The following ABCA6 variants were observed in gnomAD, a reference collection of about 807,000 sequenced individuals.
The protein encoded by ABCA6 is ATP-binding cassette sub-family A member 6.
Under a neutral mutation model 191.2 loss-of-function variants are expected in ABCA6, and 164 were observed. The observed-to-expected ratio is 0.86, with a 90% CI of 0.76 to 0.98. The LOEUF is 0.98. Ranked by LOEUF, ABCA6 falls within the 50% of genes least tolerant of loss-of-function variation. ABCA6 has a pLI of 0.00. For missense variants in ABCA6, 1,958 were observed against 1,894.1 expected (o/e 1.03, Z -0.63); for synonymous variants, 636 against 647.7 (o/e 0.98, Z 0.27).
At chr17:69,128,283 T>G (rs1272356976) in intron 8 of ABCA6, among the ~76,000 whole-genome samples, 1 of 152,064 alleles carries the variant, frequency 6.6e-6, no homozygotes, top group African/African-American at 2.4e-5. Context: ...TAAAAGTGGG[T>G]TCATATATAA....
At chr17:69,131,130 C>T (rs779966934) in intron 6 of ABCA6, among the ~76,000 whole-genome samples, 2 of 152,044 alleles carry the variant, frequency 1.3e-5, no homozygotes, top group African/African-American at 2.4e-5. Flanking sequence ...CAGAATAAAT[C>T]GGTAACAAAG....
Position 69,134,742 on chromosome 17 carries a change from GC to G in ABCA6, c.461-1del. 3 of 1,606,820 alleles carry G rather than the reference GC, an allele frequency of 1.9e-6. No individual in the cohort carries two copies. The highest frequency in any genetic ancestry group is 2.6e-6 in the Non-Finnish European group (3 of 1,174,178). On this transcript the variant is annotated splice_acceptor_variant, in intron 4 of 38. Transcript: ENST00000284425. LOFTEE classifies it high-confidence loss of function. ...CTCACCATATCCATCCCAGCAATGA[GC>G]TGTAAGCACAAAGAAAAGCACAGCC...
Position 69,096,269 on chromosome 17 carries a change from TG to T in ABCA6, c.3378del (p.Asn1126LysfsTer21). The T allele has an allele frequency of 6.6e-7, 1 of 1,520,300 alleles. No homozygotes were observed. Among genetic ancestry groups the T allele is most frequent in the East Asian group, 2.3e-5 (1 of 43,376 alleles). The allele number at this position is 1,520,300 out of a possible 1,614,324, so 94.2% of individuals were successfully genotyped here. A position where few individuals can be genotyped will look rare whatever the true frequency, so the allele number is the denominator to read the frequency against. ...AAGAAGTAAAATGACCAAAGGCCAC[TG>T]TTTTTTCTCCTTTTGCGAAAAATAA... ...ISFIFRKRRKNSGLWSFYFFF... is the reference protein window; with the variant it reads ...ISFIFRKRRKXSGLWSFYFFF... On this transcript the variant is annotated frameshift_variant, in exon 25 of 39. Coordinates refer to ENST00000284425, the MANE Select transcript of ABCA6 (RefSeq NM_080284.3). LOFTEE classifies it high-confidence loss of function.
chr17:69,096,223 A>G lies in ABCA6; in HGVS notation c.3408+17T>C. The G allele has an allele frequency of 8.1e-7, 1 of 1,228,608 alleles. No individual in the cohort carries two copies. The highest frequency in any genetic ancestry group is 1.1e-6 in the Non-Finnish European group (1 of 895,076). 76.1% of individuals were successfully genotyped at this position (1,228,608 alleles called of 1,614,324 possible). On this transcript the variant is annotated intron_variant, in intron 25 of 38. Coordinates refer to ENST00000284425, the MANE Select transcript of ABCA6 (RefSeq NM_080284.3). Reference sequence around the variant, plus strand: ...AAAATAACACTATTTCTCTATTTGTATGTATTATATACTTACAAAAAAGAA... The same window carrying G: ...AAAATAACACTATTTCTCTATTTGTGTGTATTATATACTTACAAAAAAGAA...
intron 16 of ABCA6, 126 bp from the exon 17 acceptor site, chr17:69,111,066 T>A: frequency 1.2e-6 from 1 of 827,202 alleles, no homozygotes; most frequent in Non-Finnish European, 1.8e-6. Context: ...AAAAGATGAG[T>A]AAATACTAAC....
chr17:69,090,131 A>G (rs866045182), intron 26 of ABCA6, among the ~76,000 whole-genome samples: 1 of 152,244 alleles, frequency 6.6e-6, no homozygotes, highest in African/African-American at 2.4e-5. Flanking sequence ...CTTTAAGCAA[A>G]GGGATTAGTT....
intron 10 of ABCA6, among the ~76,000 whole-genome samples, chr17:69,119,641 T>C (rs1433496063): frequency 6.6e-6 from 1 of 152,074 alleles, no homozygotes; most frequent in African/African-American, 2.4e-5. Context: ...CTCGGCCTCA[T>C]GTTTTATGTG....
In ABCA6 at chr17:69,134,705, T is replaced by G; in HGVS notation, c.498A>C (p.Thr166=). The G allele has an allele frequency of 3.1e-6, 5 of 1,613,730 alleles. No individual in the cohort carries two copies. Among genetic ancestry groups the G allele is most frequent in the Non-Finnish European group, 3.4e-6 (4 of 1,179,884 alleles). ...CWDGYGEFSC[T]LTKYWNRGFV... ...ATCCTCTATTCCAGTATTTGGTCAA[T>G]GTACATGAAAACTCACCATATCCAT... The change falls in exon 5 of 39, where the codon ACA becomes ACC. Residue 166 remains threonine (T), a synonymous_variant. Coordinates refer to ENST00000284425, the MANE Select transcript of ABCA6 (RefSeq NM_080284.3).
chr17:69,096,403 G>T, intron 24 of ABCA6, 50 bp from the exon 25 acceptor site: 1 of 1,082,844 alleles, frequency 9.2e-7, no homozygotes, highest in South Asian at 2.3e-5. Flanking sequence ...ATATTACTGA[G>T]GGAAAAATTA....
intron 16 of ABCA6, 181 bp from the exon 17 acceptor site, chr17:69,111,121 G>A: frequency 2.0e-6 from 1 of 501,492 alleles, no homozygotes; most frequent in Middle Eastern, 4.3e-4. Flanking sequence ...TCTATATATG[G>A]AAAATGTATA....
intron 9 of ABCA6, among the ~76,000 whole-genome samples, chr17:69,123,778 G>A (rs1568028856): frequency 6.6e-6 from 1 of 152,032 alleles, no homozygotes; most frequent in East Asian, 1.9e-4. Flanking sequence ...AGCCTCTGTT[G>A]TCTACATCTG....
chr17:69,137,252 T>C (rs372992166), intron 3 of ABCA6, 44 bp downstream of exon 3: 5 of 1,558,962 alleles, frequency 3.2e-6, no homozygotes, highest in Non-Finnish European at 4.4e-6. Context: ...CAACAGTATA[T>C]AGACATCTAT....
chr17:69,098,304 A>C (rs2073095530), intron 22 of ABCA6: 2 of 324,936 alleles, frequency 6.2e-6, no homozygotes, highest in South Asian at 1.9e-4. Context: ...ATTCATACCA[A>C]CAATACTCAC....
intron 10 of ABCA6, among the ~76,000 whole-genome samples, chr17:69,120,899 A>C (rs1398138692): frequency 6.6e-6 from 1 of 152,030 alleles, no homozygotes; most frequent in Non-Finnish European, 1.5e-5. Flanking sequence ...TGAATAAAAA[A>C]TGTATATTTT....
At chr17:69,093,444 T>C (rs1281234821) in intron 25 of ABCA6, among the ~76,000 whole-genome samples, 1 of 152,176 alleles carries the variant, frequency 6.6e-6, no homozygotes, top group Non-Finnish European at 1.5e-5. Context: ...AGCTGCAAGG[T>C]CACAAGATAA....
At chr17:69,105,768 C>G (rs1017823023) in intron 19 of ABCA6, 140 bp from the exon 20 acceptor site, 2 of 777,764 alleles carry the variant, frequency 2.6e-6, no homozygotes, top group Non-Finnish European at 4.1e-6. Flanking sequence ...AAGATAATAC[C>G]CTAGCATGCT....
intron 17 of ABCA6, chr17:69,108,089 GA>G (rs1249524554): frequency 2.8e-6 from 1 of 354,534 alleles, no homozygotes. Context: ...TGAACAATCA[GA>G]AAGACCATTA....
intron 16 of ABCA6, 59 bp downstream of exon 16, chr17:69,112,124 C>T: frequency 7.9e-7 from 1 of 1,260,124 alleles, no homozygotes; most frequent in Non-Finnish European, 1.2e-6. Flanking sequence ...TAATTGTCCA[C>T]CTTTTTCATA....
chr17:69,129,545 TTA>T (rs1283531712), intron 7 of ABCA6, 63 bp downstream of exon 7: 3 of 1,387,452 alleles, frequency 2.2e-6, no homozygotes, highest in Non-Finnish European at 3.0e-6. Flanking sequence ...TACTAGGGCA[TTA>T]ATATTAGCTA....
Sources: gnomAD v4.1 joint callset for allele counts (sites outside exome capture counted in the v4.1 genomes callset) on GRCh38, gnomAD v4.1.1 for gene constraint, MANE v1.5 for transcripts, NCBI Gene and HGNC (gene_info 2026-07-23, HGNC 2026-07-21) for gene names.